Variants in SLC28A1 observed in about 807,000 individuals in gnomAD.
SLC28A1 encodes the protein sodium/nucleoside cotransporter 1.
SLC28A1 carries 64 observed loss-of-function variants against 74.8 expected under a neutral mutation model. The observed-to-expected ratio is 0.86, with a 90% CI of 0.70 to 1.05. The LOEUF (loss-of-function observed/expected upper bound fraction) is 1.05. Among genes scored for constraint, SLC28A1 ranks in the 50% least tolerant of loss-of-function variants. The probability of loss-of-function intolerance (pLI) is 0.00; values close to 1 mark genes in which losing one functional copy is unlikely to be tolerated. For missense variants in SLC28A1, 828 were observed against 822.8 expected (o/e 1.01, Z -0.08); for synonymous variants, 359 against 335.0 (o/e 1.07, Z -0.78).
At chr15:84,895,763 A>C in intron 6 of SLC28A1, 1 of 1,224,710 alleles carries the variant, frequency 8.2e-7, no homozygotes, top group Non-Finnish European at 1.0e-6. Context: ...CTGGGGGAAA[A>C]AAACAGTTTC....
chr15:84,952,595 C>T, the SLC28A1 span, among the ~76,000 whole-genome samples: 1 of 152,192 alleles, frequency 6.6e-6, no homozygotes, highest in Non-Finnish European at 1.5e-5. Flanking sequence ...TCCAAGAAAA[C>T]AGAAAAGTCG....
intron 11 of SLC28A1, among the ~76,000 whole-genome samples, chr15:84,922,415 T>C (rs965174770): frequency 6.6e-6 from 1 of 152,098 alleles, no homozygotes; most frequent in Non-Finnish European, 1.5e-5. Context: ...CACAGGATGG[T>C]TCAGGCGGAG....
downstream of SLC28A1, among the ~76,000 whole-genome samples, chr15:84,946,096 A>G (rs1441738199): frequency 0.016 from 244 of 14,874 alleles, 13 homozygotes; most frequent in African/African-American, 0.043. Flanking sequence ...ATATATATAT[A>G]TATATATATA....
intron 9 of SLC28A1, among the ~76,000 whole-genome samples, chr15:84,914,983 G>T (rs1968880979): frequency 6.6e-6 from 1 of 152,144 alleles, no homozygotes. Flanking sequence ...TCCCAATGCT[G>T]CAGTGGGGTC....
intron 12 of SLC28A1, among the ~76,000 whole-genome samples, chr15:84,931,997 G>A (rs1184875559): frequency 8.3e-6 from 1 of 119,828 alleles, no homozygotes; most frequent in Non-Finnish European, 1.9e-5. Flanking sequence ...GCAAGACTCT[G>A]TCTTGGAAAA....
chr15:84,959,819 T>C, the SLC28A1 span, among the ~76,000 whole-genome samples: 2 of 152,238 alleles, frequency 1.3e-5, no homozygotes, highest in Non-Finnish European at 2.9e-5. Flanking sequence ...TGTTTTGATC[T>C]CTGTCTTCCA....
intron 6 of SLC28A1, among the ~76,000 whole-genome samples, chr15:84,900,869 G>GGGAAGGAA: frequency 1.0e-5 from 1 of 96,740 alleles, no homozygotes; most frequent in African/African-American, 4.6e-5. Flanking sequence ...AAGGGTGAAA[G>GGGAAGGAA]GCAAGGAAGG....
chr15:84,918,654 C>G, intron 10 of SLC28A1, 50 bp downstream of exon 10: 2 of 1,393,500 alleles, frequency 1.4e-6, no homozygotes, highest in African/African-American at 2.8e-5. Context: ...CACCAGCTCA[C>G]AGGGTTCACA....
chr15:84,895,608 C>T (rs73438002), intron 6 of SLC28A1: 34 of 1,487,168 alleles, frequency 2.3e-5, no homozygotes, highest in African/African-American at 7.0e-5. Context: ...TTCCTTGGAG[C>T]GCTGGAAATC....
intron 15 of SLC28A1, among the ~76,000 whole-genome samples, chr15:84,939,022 TAAG>T (rs779313873): frequency 6.6e-6 from 1 of 152,138 alleles, no homozygotes; most frequent in East Asian, 1.9e-4. Context: ...TTTTGAATTT[TAAG>T]AAGATGACTG....
At chr15:84,944,415 G>C in intron 16 of SLC28A1, 151 bp from the exon 17 acceptor site, 1 of 698,064 alleles carries the variant, frequency 1.4e-6, no homozygotes, top group Non-Finnish European at 2.6e-6. Context: ...GAACTCCTGA[G>C]CTCAGCAAGC....
chr15:84,908,688 G>A (rs769896430), intron 8 of SLC28A1, 30 bp from the exon 9 acceptor site: 5 of 1,601,058 alleles, frequency 3.1e-6, no homozygotes, highest in Non-Finnish European at 4.3e-6. Flanking sequence ...CTCACTGCCT[G>A]TTTTTGTTTG....
chr15:84,912,180 C>T (rs1482002056), intron 9 of SLC28A1, among the ~76,000 whole-genome samples: 2 of 152,174 alleles, frequency 1.3e-5, no homozygotes, highest in Admixed American at 1.3e-4. Context: ...TTCAGCCTCC[C>T]CCTCTCCCCT....
chr15:84,890,594 C>T, intron 5 of SLC28A1, 60 bp downstream of exon 5: 1 of 1,345,624 alleles, frequency 7.4e-7, no homozygotes, highest in Non-Finnish European at 1.0e-6. Context: ...CTATCCATGT[C>T]TCAGGGCAGG....
the SLC28A1 span, among the ~76,000 whole-genome samples, chr15:84,955,912 A>G: frequency 1.3e-5 from 2 of 152,090 alleles, no homozygotes; most frequent in African/African-American, 2.4e-5. Flanking sequence ...AAGGGATAGG[A>G]TCCACAGCGA....
intron 9 of SLC28A1, among the ~76,000 whole-genome samples, chr15:84,912,836 AC>A (rs375658252): frequency 0.01 from 1,587 of 151,370 alleles, 27 homozygotes; most frequent in Non-Finnish European, 0.016. Context: ...ACACACACAC[AC>A]ACACACACAC....
the SLC28A1 span, chr15:84,975,404 A>G: frequency 4.5e-6 from 2 of 446,670 alleles, no homozygotes; most frequent in Non-Finnish European, 9.1e-6. Flanking sequence ...CACTTCTCAG[A>G]ACATCTCGAC....
chr15:84,958,539 C>T, the SLC28A1 span, among the ~76,000 whole-genome samples: 1 of 152,128 alleles, frequency 6.6e-6, no homozygotes, highest in South Asian at 2.1e-4. Flanking sequence ...ATCACTTCCT[C>T]TTACAGTTTT....
At chr15:84,912,796 T>TTGCGCGCGCGCG (rs1555449045) in intron 9 of SLC28A1, among the ~76,000 whole-genome samples, 67 of 45,238 alleles carry the variant, frequency 1.5e-3, no homozygotes, top group African/African-American at 4.5e-3. Flanking sequence ...GTGCCAAATT[T>TTGCGCGCGCGCG]TGCGCGCGCG....
Sources: gnomAD v4.1 joint callset for allele counts (sites outside exome capture counted in the v4.1 genomes callset) on GRCh38, gnomAD v4.1.1 for gene constraint, MANE v1.5 for transcripts, NCBI Gene and HGNC (gene_info 2026-07-23, HGNC 2026-07-21) for gene names.